The following CHD7 variants were observed in gnomAD, a reference collection of about 807,000 sequenced individuals.
The protein encoded by CHD7 is ATP-dependent chromatin remodeler CHD7.
In CHD7, 24 loss-of-function variants were observed where a neutral mutation model predicts 307.3. The observed-to-expected ratio is 0.08, with a 90% confidence interval of 0.06 to 0.11. The LOEUF (loss-of-function observed/expected upper bound fraction) is 0.11. CHD7 is among the 10% of genes least tolerant of loss of function. The probability of loss-of-function intolerance (pLI) is 1.00; values close to 1 mark genes in which losing one functional copy is unlikely to be tolerated. For synonymous variants in CHD7, 1,363 were observed against 1,349.9 expected, an observed-to-expected ratio of 1.01 and a Z score of -0.21; for missense variants, 3,106 against 3,727.1, an observed-to-expected ratio of 0.83 and a Z score of 4.34.
At chr8:60,797,642 TA>T (rs1386547858) in intron 4 of CHD7, among the ~76,000 whole-genome samples, 1 of 152,238 alleles carries the variant, frequency 6.6e-6, no homozygotes, top group Non-Finnish European at 1.5e-5. Flanking sequence ...CATTGCTTCT[TA>T]CTGGAATGGT....
intron 1 of CHD7, among the ~76,000 whole-genome samples, chr8:60,681,739 A>G (rs1805641799): frequency 6.6e-6 from 1 of 152,168 alleles, no homozygotes; most frequent in African/African-American, 2.4e-5. Flanking sequence ...TCATGCTGGT[A>G]CTCAAGAATT....
chr8:60,841,724 T>C lies in CHD7; in HGVS notation c.4614T>C (p.Ala1538=), dbSNP rs2150786158. 1 of 1,608,992 alleles carries C rather than the reference T, an allele frequency of 6.2e-7. No individual in the cohort carries two copies. The highest frequency in any genetic ancestry group is 8.5e-7 in the Non-Finnish European group (1 of 1,175,548). The change falls in exon 20 of 38, where the codon GCT becomes GCC. Residue 1538 remains alanine, a synonymous_variant. Coordinates refer to ENST00000423902, the MANE Select transcript of CHD7 (RefSeq NM_017780.4). ...PNFWQKWAKK[A]ELDIDALNGR... ...TCTGGCAAAAGTGGGCTAAGAAGGC[T>C]GAATTGGATATTGATGCCTTAAATG...
In CHD7 at chr8:60,785,567, C is replaced by T. The variant is rs141149444; in HGVS notation, c.2096+4137C>T. ...TTTTCAAACATTGTTTTCTCAGTTA[C>T]GAGCTTACAGAGTAGCAACGTTTAC... On this transcript the variant is annotated intron_variant, in intron 3 of 37. Transcript: ENST00000423902. Among the ~76,000 whole-genome samples, 532 of 152,270 alleles carry T rather than the reference C, an allele frequency of 3.5e-3. 7 individuals carry two copies. The highest frequency in any genetic ancestry group is 0.012 in the African/African-American group (508 of 41,536).
chr8:60,815,194 T>C (rs1803670552), intron 7 of CHD7, among the ~76,000 whole-genome samples: 1 of 152,226 alleles, frequency 6.6e-6, no homozygotes, highest in South Asian at 2.1e-4. Flanking sequence ...CAAATCATAT[T>C]AGACATGATT....
chr8:60,750,055 G>T (rs143613013), intron 2 of CHD7, among the ~76,000 whole-genome samples: 11 of 152,300 alleles, frequency 7.2e-5, no homozygotes, highest in African/African-American at 2.6e-4. Flanking sequence ...TCACCCCATA[G>T]TCTGAAAGCA....
intron 13 of CHD7, among the ~76,000 whole-genome samples, chr8:60,827,189 G>A (rs1355591163): frequency 6.6e-6 from 1 of 151,210 alleles, no homozygotes; most frequent in East Asian, 1.9e-4. Flanking sequence ...CATGGCACAT[G>A]TATACATATG....
chr8:60,858,004 C>G (rs188042765), intron 34 of CHD7, among the ~76,000 whole-genome samples: 1 of 152,306 alleles, frequency 6.6e-6, no homozygotes, highest in East Asian at 1.9e-4. Context: ...GCCTGTAATC[C>G]CAGCACTCTG....
intron 1 of CHD7, among the ~76,000 whole-genome samples, chr8:60,739,492 T>C (rs1311443372): frequency 6.6e-6 from 1 of 152,228 alleles, no homozygotes; most frequent in Non-Finnish European, 1.5e-5. Context: ...AAGCAGCGTG[T>C]TTTCAGTAAA....
intron 2 of CHD7, among the ~76,000 whole-genome samples, chr8:60,774,792 G>C (rs557494959): frequency 6.6e-6 from 1 of 152,198 alleles, no homozygotes; most frequent in South Asian, 2.1e-4. Flanking sequence ...AAAGGGTTTA[G>C]CATTGGCAGA....
chr8:60,725,376 A>G (rs1299086586), intron 1 of CHD7, among the ~76,000 whole-genome samples: 1 of 152,256 alleles, frequency 6.6e-6, no homozygotes, highest in Non-Finnish European at 1.5e-5. Flanking sequence ...AATTCTGAGT[A>G]GTATCCCAAA....
At chr8:60,851,990 A>T (rs769146709) in intron 28 of CHD7, 29 bp from the exon 29 acceptor site, 1 of 1,508,504 alleles carries the variant, frequency 6.6e-7, no homozygotes, top group Non-Finnish European at 9.1e-7. Flanking sequence ...GCAGCTACAC[A>T]TTTCAAAAAT....
At chr8:60,770,737 T>C (rs1490672904) in intron 2 of CHD7, among the ~76,000 whole-genome samples, 1 of 152,206 alleles carries the variant, frequency 6.6e-6, no homozygotes, top group Non-Finnish European at 1.5e-5. Flanking sequence ...ACTCTAGCTT[T>C]TTAAAATGCT....
intron 3 of CHD7, among the ~76,000 whole-genome samples, chr8:60,794,492 A>G (rs1370553040): frequency 6.6e-6 from 1 of 152,234 alleles, no homozygotes; most frequent in Admixed American, 6.5e-5. Flanking sequence ...TTTTTATTAC[A>G]TTCTAAAAGA....
chr8:60,791,546 G>A (rs1320638226), intron 3 of CHD7, among the ~76,000 whole-genome samples: 1 of 152,186 alleles, frequency 6.6e-6, no homozygotes. Context: ...GTTGTAATTT[G>A]GAAGAGGAAT....
At chr8:60,740,941 G>C (rs995166073) in intron 1 of CHD7, among the ~76,000 whole-genome samples, 1 of 152,182 alleles carries the variant, frequency 6.6e-6, no homozygotes, top group African/African-American at 2.4e-5. Flanking sequence ...GGCAGCTGCT[G>C]CTGCTTCACG....
At position 60,852,134 on chromosome 8, in the gene CHD7, A is replaced by G; in HGVS notation, c.5781A>G (p.Gln1927=). 1 of 1,614,036 alleles carries G rather than the reference A, an allele frequency of 6.2e-7. No homozygotes were observed. The highest frequency in any genetic ancestry group is 8.5e-7 in the Non-Finnish European group (1 of 1,179,892). The change falls in exon 29 of 38, where the codon CAA becomes CAG. Residue 1927 remains glutamine, a synonymous_variant. Transcript: ENST00000423902. ...ITAYQRSYKR[Q]QMRQEALMKT... is the part of the protein sequence containing the mutation. ...CCTATCAGCGCAGCTATAAAAGGCAACAGATGAGGCAAGAGGCCCTAATGA... is the reference window on the plus strand; with the variant it reads ...CCTATCAGCGCAGCTATAAAAGGCAGCAGATGAGGCAAGAGGCCCTAATGA...
rs562908023 is a variant in CHD7 at position 60,789,453 on chromosome 8, A to G, written c.2097-5533A>G. Among the ~76,000 whole-genome samples, 5 of 152,338 alleles carry G rather than the reference A, an allele frequency of 3.3e-5. No individual in the cohort carries two copies. In the South Asian group the frequency reaches 1.0e-3, roughly 32 times the overall value. ...AGCCTCAAGGTTAATTTTTCCCAAT[A>G]TGGTGAGAAACTTCACTAACTTATC... is the stretch of plus-strand genomic sequence containing the variant. On this transcript the variant is annotated intron_variant, in intron 3 of 37. Transcript: ENST00000423902.
At chr8:60,771,169 T>G (rs1408807196) in intron 2 of CHD7, among the ~76,000 whole-genome samples, 1 of 152,252 alleles carries the variant, frequency 6.6e-6, no homozygotes, top group Non-Finnish European at 1.5e-5. Flanking sequence ...GCTGTCTTTA[T>G]GTGAAAGGAT....
intron 7 of CHD7, among the ~76,000 whole-genome samples, chr8:60,814,447 G>T (rs188194606): frequency 5.9e-5 from 9 of 152,122 alleles, no homozygotes; most frequent in African/African-American, 1.7e-4. Context: ...GTTTCTTTTT[G>T]TGTGTGTGTG....
Sources: gnomAD v4.1 joint callset for allele counts (sites outside exome capture counted in the v4.1 genomes callset) on GRCh38, gnomAD v4.1.1 for gene constraint, MANE v1.5 for transcripts, NCBI Gene and HGNC (gene_info 2026-07-23, HGNC 2026-07-21) for gene names.